Variants in TMEM94 observed in about 807,000 individuals in gnomAD.
TMEM94 encodes the protein ER Mg2+ ATPase.
In TMEM94, 81 loss-of-function variants were observed where a neutral mutation model predicts 158.6. That is an observed-to-expected ratio of 0.51 (90% CI 0.43 to 0.61). The LOEUF (loss-of-function observed/expected upper bound fraction) is 0.61, where lower values mean the gene tolerates loss of function less well. Ranked by LOEUF, TMEM94 falls within the 20% of genes least tolerant of loss-of-function variation. The probability of loss-of-function intolerance (pLI) is 0.00; values close to 1 mark genes in which losing one functional copy is unlikely to be tolerated. For missense variants in TMEM94, 1,435 were observed against 1,762.0 expected (o/e 0.81, Z 3.32); for synonymous variants, 751 against 730.7 (o/e 1.03, Z -0.45).
intron 2 of TMEM94, among the ~76,000 whole-genome samples, chr17:75,473,176 T>G (rs1331692049): frequency 6.6e-6 from 1 of 152,180 alleles, no homozygotes; most frequent in Non-Finnish European, 1.5e-5. Context: ...GGCTGACTGC[T>G]TTCTGTTCAG....
intron 2 of TMEM94, 54 bp downstream of exon 2, chr17:75,471,983 C>G: frequency 6.3e-7 from 1 of 1,584,550 alleles, no homozygotes. Context: ...CTGTTGAACT[C>G]TTTCCTACTT....
rs773978677 is a variant in TMEM94 at position 75,472,011 on chromosome 17, C to T, written c.24+82C>T. The stretch of plus-strand genomic sequence containing the variant: ...TCCTACTTGTTTTTGCCTGGGAGAT[C>T]CTTAACTGGGGGCTTTAAACAAAAG... On this transcript the variant is annotated intron_variant, in intron 2 of 31. Transcript: ENST00000314256. 5 of 1,460,190 alleles carry T rather than the reference C, an allele frequency of 3.4e-6. No individual in the cohort carries two copies. In the Admixed American group the frequency reaches 5.1e-5, roughly 15 times the overall value. 90.5% of individuals were successfully genotyped at this position (1,460,190 alleles called of 1,614,324 possible).
At chr17:75,494,078 G>A (rs897217144) in intron 18 of TMEM94, among the ~76,000 whole-genome samples, 162 bp downstream of exon 18, 3 of 152,238 alleles carry the variant, frequency 2.0e-5, no homozygotes, top group Non-Finnish European at 2.9e-5. Flanking sequence ...TCTATCCGGG[G>A]ACATGGGGAG....
Position 75,495,312 on chromosome 17 carries a change from C to T in TMEM94, c.2757C>T (p.Leu919=), listed in dbSNP as rs2052576821. 1 of 1,613,346 alleles carries T rather than the reference C, an allele frequency of 6.2e-7. No homozygotes were observed. Among genetic ancestry groups the T allele is most frequent in the Non-Finnish European group, 8.5e-7 (1 of 1,179,648 alleles). Residue 919 remains leucine (L), a synonymous_variant, in exon 21 of 32, where the codon CTC becomes CTT. Coordinates refer to ENST00000314256, the MANE Select transcript of TMEM94 (RefSeq NM_014738.6). The surrounding 1 kb of genome is among the most constrained non-coding windows in gnomAD (Gnocchi z 5.6). ...QVSRDDAEGL[L]LMEEEGHSDL... ...CCCGAGATGATGCAGAAGGGCTCCT[C>T]CTCATGGAGGAGGAGGGCCACTCGG...
At chr17:75,472,739 G>A (rs1472312898) in intron 2 of TMEM94, among the ~76,000 whole-genome samples, 1 of 152,188 alleles carries the variant, frequency 6.6e-6, no homozygotes, top group African/African-American at 2.4e-5. Context: ...TGTGTACAAA[G>A]CCCTCCAGAA....
In TMEM94 at chr17:75,495,585, G is replaced by A. The variant is rs139397113; in HGVS notation, c.2886G>A (p.Leu962=). The change falls in exon 22 of 32, where the codon CTG becomes CTA. Residue 962 remains leucine (L), a synonymous_variant. Coordinates refer to ENST00000314256, the MANE Select transcript of TMEM94 (RefSeq NM_014738.6). The surrounding 1 kb of genome is among the most constrained non-coding windows in gnomAD (Gnocchi z 5.6). The part of the protein sequence containing the change: ...PRGIHQVRPH[L]QNIDNVPLLV... The stretch of plus-strand genomic sequence containing the variant: ...GTATCCACCAAGTGCGGCCCCACCT[G>A]CAGAACATTGACAACGTGCCCCTGC... The A allele has an allele frequency of 3.1e-6, 5 of 1,613,458 alleles. No individual in the cohort carries two copies. The highest frequency in any genetic ancestry group is 4.2e-6 in the Non-Finnish European group (5 of 1,180,022).
Position 75,492,137 on chromosome 17 carries a change from C to G in TMEM94, c.1596+237C>G. The G allele has an allele frequency of 1.1e-6, 1 of 885,518 alleles. No homozygotes were observed. Among genetic ancestry groups the G allele is most frequent in the Non-Finnish European group, 1.7e-6 (1 of 598,528 alleles). The allele number at this position is 885,518 out of a possible 1,614,324, so 54.9% of individuals were successfully genotyped here. A position where few individuals can be genotyped will look rare whatever the true frequency, so the allele number is the denominator to read the frequency against. ...CAATCACTGGTGTCCCTACTGGAAC[C>G]TTCCAAATATACACAGCCCGGAGCT... On this transcript the variant is annotated intron_variant, in intron 14 of 31. Coordinates refer to ENST00000314256, the MANE Select transcript of TMEM94 (RefSeq NM_014738.6). The surrounding 1 kb of genome is among the most constrained non-coding windows in gnomAD (Gnocchi z 4.4).
chr17:75,464,450 C>T (rs1466377975), intron 1 of TMEM94, among the ~76,000 whole-genome samples: 1 of 151,260 alleles, frequency 6.6e-6, no homozygotes, highest in East Asian at 1.9e-4. Context: ...CCACTGTACT[C>T]CAGGCTGGGC....
chr17:75,458,606 G>A (rs1433793448), intron 1 of TMEM94, among the ~76,000 whole-genome samples: 1 of 151,404 alleles, frequency 6.6e-6, no homozygotes, highest in African/African-American at 2.4e-5. Flanking sequence ...CCAGAGGATC[G>A]CTTGAGCCCA....
In TMEM94 at chr17:75,492,397, T is replaced by C; in HGVS notation, c.1597-77T>C. The C allele has an allele frequency of 6.7e-7, 1 of 1,500,032 alleles. No individual in the cohort carries two copies. The highest frequency in any genetic ancestry group is 8.9e-7 in the Non-Finnish European group (1 of 1,123,500). The allele number at this position is 1,500,032 out of a possible 1,614,324, so 92.9% of individuals were successfully genotyped here. Reference sequence around the variant, plus strand: ...TCAGGGGCAGGAGCCCTCCCCAGCCTTGGGAGGTGGGCAGAGCCAGTGCTG... The same window carrying C: ...TCAGGGGCAGGAGCCCTCCCCAGCCCTGGGAGGTGGGCAGAGCCAGTGCTG... On this transcript the variant is annotated intron_variant, in intron 14 of 31. Transcript: ENST00000314256. This position sits in a 1 kb window ranked among gnomAD's most constrained non-coding sequence, Gnocchi z 4.4.
At chr17:75,497,757 C>T (rs554843262) in intron 26 of TMEM94, 24 bp from the exon 27 acceptor site, 1 of 1,595,924 alleles carries the variant, frequency 6.3e-7, no homozygotes, top group Non-Finnish European at 8.6e-7. Context: ...GTCACCATCC[C>T]TCTACCTGAT....
chr17:75,473,126 G>T (rs962694799), intron 2 of TMEM94, among the ~76,000 whole-genome samples: 6 of 152,180 alleles, frequency 3.9e-5, no homozygotes, highest in Admixed American at 3.9e-4. Flanking sequence ...TAGAGAGGGG[G>T]CTGTGGGTTC....
In TMEM94 at chr17:75,496,393, A is replaced by C. The variant is rs772996601; in HGVS notation, c.3165A>C (p.Ser1055=). 1.2e-6 allele frequency: 2 copies of C among 1,613,838 alleles called. No homozygotes were observed. Among genetic ancestry groups the C allele is most frequent in the African/African-American group, 1.3e-5 (1 of 74,942 alleles). Reference sequence around the variant, plus strand: ...ATGGCCTTTCTCCCCTGCAGCTGTCAGGGCAGCTCAACAGCCTGCCCTGTT... The same window carrying C: ...ATGGCCTTTCTCCCCTGCAGCTGTCCGGGCAGCTCAACAGCCTGCCCTGTT... ...ASDGLSPLQL[S]GQLNSLPCSL... is the part of the protein sequence containing the mutation. The change falls in exon 24 of 32, where the codon TCA becomes TCC. Residue 1055 remains serine, a synonymous_variant. Transcript: ENST00000314256.
At chr17:75,468,252 G>A (rs1045036056) in intron 1 of TMEM94, among the ~76,000 whole-genome samples, 1 of 152,192 alleles carries the variant, frequency 6.6e-6, no homozygotes, top group African/African-American at 2.4e-5. Context: ...AGAATCCCAT[G>A]TATGGAATGA....
chr17:75,498,574 G>A lies in TMEM94; in HGVS notation c.3733+36G>A, dbSNP rs1223904763. The A allele has an allele frequency of 1.2e-6, 2 of 1,612,708 alleles. No homozygotes were observed. The highest frequency in any genetic ancestry group is 1.7e-6 in the Non-Finnish European group (2 of 1,179,442). On this transcript the variant is annotated intron_variant, in intron 29 of 31. Coordinates refer to ENST00000314256, the MANE Select transcript of TMEM94 (RefSeq NM_014738.6). The surrounding 1 kb of genome is among the most constrained non-coding windows in gnomAD (Gnocchi z 6.7). ...TCCCTGGGAGGGCGTGGATGATGGT[G>A]GGAGAGGAGCCCCACTGTGGAAGTC...
At chr17:75,475,100 G>A (rs2050631019) in intron 2 of TMEM94, among the ~76,000 whole-genome samples, 1 of 152,240 alleles carries the variant, frequency 6.6e-6, no homozygotes, top group Admixed American at 6.5e-5. Context: ...CTCAGGGACA[G>A]GAGAGAGGGG....
At chr17:75,478,547 T>C (rs1201054692) in intron 2 of TMEM94, among the ~76,000 whole-genome samples, 1 of 152,014 alleles carries the variant, frequency 6.6e-6, no homozygotes, top group African/African-American at 2.4e-5. Context: ...GGCAGACTCC[T>C]TGTGGTTCTG....
chr17:75,486,573 C>T, intron 5 of TMEM94, 147 bp downstream of exon 5: 1 of 996,402 alleles, frequency 1.0e-6, no homozygotes, highest in Non-Finnish European at 1.5e-6. Context: ...AGAAGGATGC[C>T]CACTCTCTTT....
intron 1 of TMEM94, among the ~76,000 whole-genome samples, chr17:75,462,000 TGTTTTGTTTTG>T (rs1296963693): frequency 8.9e-5 from 7 of 78,814 alleles, no homozygotes; most frequent in African/African-American, 2.9e-4. Context: ...TTTTTTGTTT[TGTTTTGTTTTG>T]TTTTTTTTTT....
Sources: gnomAD v4.1 joint callset for allele counts (sites outside exome capture counted in the v4.1 genomes callset) on GRCh38, gnomAD v4.1.1 for gene constraint, Gnocchi (gnomAD v3.1) non-coding constraint, MANE v1.5 for transcripts, NCBI Gene and HGNC (gene_info 2026-07-23, HGNC 2026-07-21) for gene names.